Variants in SETD3 observed in about 807,000 individuals in gnomAD.
SETD3 encodes the protein SET domain containing 3, actin N3(tau)-histidine methyltransferase.
In SETD3, 19 loss-of-function variants were observed where a neutral mutation model predicts 63.0. The ratio of observed to expected loss-of-function variants is 0.30; its 90% CI spans 0.21 to 0.44. SETD3 has a LOEUF of 0.44. Ranked by LOEUF, SETD3 falls within the 20% of genes least tolerant of loss-of-function variation. The pLI, the probability that SETD3 is intolerant of heterozygous loss-of-function variation, is 1.00. For missense variants in SETD3, 587 were observed against 728.5 expected (o/e 0.81, Z 2.24); for synonymous variants, 286 against 264.1 (o/e 1.08, Z -0.80).
intron 6 of SETD3, among the ~76,000 whole-genome samples, chr14:99,449,213 A>C (rs1340060595): frequency 6.6e-6 from 1 of 152,212 alleles, no homozygotes; most frequent in Non-Finnish European, 1.5e-5. Context: ...CTTGGCAAAC[A>C]CTACAGTAGT....
At chr14:99,475,867 C>T (rs1895947572) in intron 1 of SETD3, among the ~76,000 whole-genome samples, 1 of 152,154 alleles carries the variant, frequency 6.6e-6, no homozygotes, top group South Asian at 2.1e-4. Flanking sequence ...GTCCCATAGC[C>T]TTTAGGACAA....
rs763799209 is a variant in SETD3, at chr14:99,412,947, T to G, written c.849+4A>C. 1.9e-6 allele frequency: 3 copies of G among 1,597,624 alleles called. No homozygotes were observed. ...CAACACAACACAGGGGAAGAGGTCG[T>G]TACCAGGCCGTTGGTGTGGTTACAC... is the stretch of plus-strand genomic sequence containing the variant. On this transcript the variant is annotated splice_donor_region_variant and intron_variant, in intron 8 of 12. Transcript: ENST00000331768.
intron 5 of SETD3, 128 bp from the exon 6 acceptor site, chr14:99,458,663 C>G: frequency 1.7e-6 from 2 of 1,177,612 alleles, no homozygotes; most frequent in Non-Finnish European, 2.3e-6. Context: ...ACAGGCTGGG[C>G]GCAGTGGCTC....
chr14:99,473,689 T>C lies in SETD3; in HGVS notation c.-9+7039A>G, dbSNP rs558167705. ...AGAGAGTGTGAGGGCCTAATCTTCATGTAGGAAGAATAGGAAATACTCTTT... is the reference window on the plus strand; with the variant it reads ...AGAGAGTGTGAGGGCCTAATCTTCACGTAGGAAGAATAGGAAATACTCTTT... On this transcript the variant is annotated intron_variant, in intron 1 of 12. Transcript: ENST00000331768. Among the ~76,000 whole-genome samples, 11 of 152,250 alleles carry C rather than the reference T, an allele frequency of 7.2e-5. No homozygotes were observed. The East Asian group carries it at 7.7e-4, about 11-fold the overall frequency.
At chr14:99,481,627 C>G (rs765278435), upstream of SETD3, 1 of 392,644 alleles carries the variant, frequency 2.5e-6, no homozygotes, top group Non-Finnish European at 4.5e-6. Flanking sequence ...ACACATTGAA[C>G]TTTGCGGGCG....
intron 6 of SETD3, among the ~76,000 whole-genome samples, chr14:99,414,192 G>A (rs772111929): frequency 2.0e-5 from 3 of 152,220 alleles, no homozygotes; most frequent in Admixed American, 6.5e-5. Context: ...CAGACAACGC[G>A]CAAAACACAA....
At position 99,463,572 on chromosome 14, in the gene SETD3, C is replaced by G; in HGVS notation, c.110G>C (p.Ser37Thr). The G allele has an allele frequency of 1.2e-6, 2 of 1,613,342 alleles. No homozygotes were observed. Among genetic ancestry groups the G allele is most frequent in the Non-Finnish European group, 1.7e-6 (2 of 1,179,434 alleles). The change falls in exon 3 of 13, where the codon AGC (serine) becomes ACC (threonine). Residue 37 changes from serine to threonine, a missense_variant. Ser to Thr is a moderately conservative substitution (Grantham distance 58). Coordinates refer to ENST00000331768, the MANE Select transcript of SETD3 (RefSeq NM_032233.3). ...TTTTCCTGGGCCAGGCGCCGGACTGCTGCATTCTGTAACATAAGAGGCATG... is the reference window on the plus strand; with the variant it reads ...TTTTCCTGGGCCAGGCGCCGGACTGGTGCATTCTGTAACATAAGAGGCATG... ...NLTSELLQKC[S>T]SPAPGPGKEW...
At chr14:99,455,885 C>T (rs116330415) in intron 6 of SETD3, among the ~76,000 whole-genome samples, 124 of 152,300 alleles carry the variant, frequency 8.1e-4, no homozygotes, top group African/African-American at 1.8e-3. Flanking sequence ...CTGAGCGAGG[C>T]GGTTCACGCC....
intron 9 of SETD3, among the ~76,000 whole-genome samples, chr14:99,406,017 G>A (rs566627906): frequency 1.3e-5 from 2 of 152,076 alleles, no homozygotes; most frequent in African/African-American, 2.4e-5. Context: ...TTATAGACAC[G>A]TATTTTCAAA....
At chr14:99,466,832 C>T (rs1408055189) in intron 1 of SETD3, among the ~76,000 whole-genome samples, 2 of 152,124 alleles carry the variant, frequency 1.3e-5, no homozygotes, top group Non-Finnish European at 2.9e-5. Flanking sequence ...AAAAAGTGTC[C>T]AGCCAAGAAG....
chr14:99,479,386 G>A (rs142643857), intron 1 of SETD3, among the ~76,000 whole-genome samples: 183 of 152,298 alleles, frequency 1.2e-3, no homozygotes, highest in African/African-American at 4.3e-3. Context: ...AGTACTGCTG[G>A]ACTTTCACGC....
chr14:99,481,372 T>C, upstream of SETD3: 1 of 398,458 alleles, frequency 2.5e-6, no homozygotes. Flanking sequence ...GGTCGCTTGG[T>C]GGCGTCTCAG....
intron 6 of SETD3, among the ~76,000 whole-genome samples, chr14:99,428,081 G>A (rs1892980789): frequency 6.6e-6 from 1 of 152,222 alleles, no homozygotes; most frequent in Non-Finnish European, 1.5e-5. Context: ...CAATGCCAGT[G>A]CAGTCCCAAC....
At position 99,444,127 on chromosome 14, in the gene SETD3, G is replaced by A. The variant is rs114070824; in HGVS notation, c.675+14152C>T. Among the ~76,000 whole-genome samples, 402 of 152,238 alleles carry A rather than the reference G, an allele frequency of 2.6e-3. 1 individual carries two copies. Among genetic ancestry groups the A allele is most frequent in the African/African-American group, 9.3e-3 (388 of 41,534 alleles). On this transcript the variant is annotated intron_variant, in intron 6 of 12. Transcript: ENST00000331768. Reference sequence around the variant, plus strand: ...GAAATCTGAGGTACTGTTCTTCTGGGGTCCACTGCATCCCACAAAAACATC... The same window carrying A: ...GAAATCTGAGGTACTGTTCTTCTGGAGTCCACTGCATCCCACAAAAACATC...
At chr14:99,429,907 A>C (rs575546902) in intron 6 of SETD3, among the ~76,000 whole-genome samples, 1 of 152,224 alleles carries the variant, frequency 6.6e-6, no homozygotes, top group Non-Finnish European at 1.5e-5. Context: ...ACCTGTTTTC[A>C]TTCTTTGAAA....
At chr14:99,436,490 C>T (rs554618525) in intron 6 of SETD3, among the ~76,000 whole-genome samples, 6 of 152,170 alleles carry the variant, frequency 3.9e-5, no homozygotes, top group Admixed American at 1.3e-4. Context: ...TCCACTAGTA[C>T]TCCCCAGACA....
rs367646158 is a variant in SETD3, at chr14:99,412,946, G to A, written c.849+5C>T. ...TCAACACAACACAGGGGAAGAGGTC[G>A]TTACCAGGCCGTTGGTGTGGTTACA... On this transcript the variant is annotated splice_donor_5th_base_variant and intron_variant, in intron 8 of 12. Transcript: ENST00000331768. The A allele has an allele frequency of 1.8e-5, 29 of 1,593,270 alleles. No homozygotes were observed. In the Middle Eastern group the frequency reaches 5.0e-4, roughly 27 times the overall value.
intron 6 of SETD3, among the ~76,000 whole-genome samples, chr14:99,457,169 T>C (rs1894806769): frequency 6.6e-6 from 1 of 152,232 alleles, no homozygotes. Flanking sequence ...AAAGTTTTGA[T>C]TTGGCTTCAT....
intron 6 of SETD3, among the ~76,000 whole-genome samples, chr14:99,452,125 A>C (rs1894497633): frequency 6.6e-6 from 1 of 152,154 alleles, no homozygotes; most frequent in South Asian, 2.1e-4. Context: ...TGTTTTTCCC[A>C]AAACGGAGTC....
Sources: gnomAD v4.1 joint callset for allele counts (sites outside exome capture counted in the v4.1 genomes callset) on GRCh38, gnomAD v4.1.1 for gene constraint, MANE v1.5 for transcripts, NCBI Gene and HGNC (gene_info 2026-07-23, HGNC 2026-07-21) for gene names.